SAMMSON: variants seen among roughly 807,000 people sequenced by gnomAD.
The protein encoded by SAMMSON is long intergenic non-protein coding RNA 1212.
intron 7 of SAMMSON, among the ~76,000 whole-genome samples, chr3:70,318,652 T>A (rs1702513827): frequency 6.6e-6 from 1 of 152,022 alleles, no homozygotes; most frequent in African/African-American, 2.4e-5. Context: ...TGTTAGTGGG[T>A]TACATTTTCT....
chr3:70,226,368 G>A (rs1701507241), intron 4 of SAMMSON, among the ~76,000 whole-genome samples: 2 of 152,142 alleles, frequency 1.3e-5, no homozygotes, highest in African/African-American at 4.8e-5. Flanking sequence ...TGGATGCAAA[G>A]CCCAGGAATT....
chr3:70,276,673 G>T (rs1428628504), intron 6 of SAMMSON, among the ~76,000 whole-genome samples: 1 of 152,162 alleles, frequency 6.6e-6, no homozygotes. Context: ...TCTACATATG[G>T]CCTACTGCAT....
At chr3:70,276,291 T>C (rs1702025059) in intron 6 of SAMMSON, among the ~76,000 whole-genome samples, 1 of 152,218 alleles carries the variant, frequency 6.6e-6, no homozygotes, top group South Asian at 2.1e-4. Context: ...TCCAATTTTA[T>C]ATACTGTCAT....
chr3:70,414,051 G>C (rs2106770276), intron 2 of SAMMSON, among the ~76,000 whole-genome samples: 1 of 152,166 alleles, frequency 6.6e-6, no homozygotes, highest in African/African-American at 2.4e-5. Flanking sequence ...TAGAATATGA[G>C]AATAATTATT....
At chr3:70,430,973 A>G (rs1320650247) in intron 2 of SAMMSON, among the ~76,000 whole-genome samples, 1 of 152,064 alleles carries the variant, frequency 6.6e-6, no homozygotes, top group African/African-American at 2.4e-5. Flanking sequence ...AAATTAATAT[A>G]TTTCAACTAT....
At chr3:70,193,970 C>G (rs1054797107) in intron 4 of SAMMSON, among the ~76,000 whole-genome samples, 2 of 152,212 alleles carry the variant, frequency 1.3e-5, no homozygotes, top group African/African-American at 4.8e-5. Flanking sequence ...GACTTTCGCT[C>G]TATTAACTTT....
intron 4 of SAMMSON, among the ~76,000 whole-genome samples, chr3:70,081,284 T>G (rs1382109947): frequency 6.6e-6 from 1 of 152,128 alleles, no homozygotes; most frequent in African/African-American, 2.4e-5. Flanking sequence ...CGGCTAATTT[T>G]TTGTATTTTT....
At chr3:70,032,968 C>G (rs1301204311) in intron 3 of SAMMSON, among the ~76,000 whole-genome samples, 1 of 152,056 alleles carries the variant, frequency 6.6e-6, no homozygotes, top group Non-Finnish European at 1.5e-5. Context: ...AGGTGGGGGA[C>G]AATTCTGACA....
chr3:70,240,895 G>A (rs1176606406), intron 4 of SAMMSON, among the ~76,000 whole-genome samples: 1 of 152,146 alleles, frequency 6.6e-6, no homozygotes, highest in African/African-American at 2.4e-5. Context: ...TTGATAAGCA[G>A]TATGAAAACA....
chr3:70,292,698 T>C (rs1702250258), intron 7 of SAMMSON, among the ~76,000 whole-genome samples: 1 of 152,030 alleles, frequency 6.6e-6, no homozygotes, highest in African/African-American at 2.4e-5. Context: ...TCTTTTTTGA[T>C]GTACACATAC....
At chr3:70,190,559 A>G (rs1356711122) in intron 4 of SAMMSON, among the ~76,000 whole-genome samples, 5 of 152,218 alleles carry the variant, frequency 3.3e-5, no homozygotes, top group African/African-American at 4.8e-5. Flanking sequence ...ATTTGACCTA[A>G]TGTTTTCCAA....
At chr3:70,214,689 A>G (rs549449617) in intron 4 of SAMMSON, among the ~76,000 whole-genome samples, 1 of 151,648 alleles carries the variant, frequency 6.6e-6, no homozygotes, top group East Asian at 2.0e-4. Context: ...GTAGACAGAC[A>G]TAGGCTAAGT....
intron 2 of SAMMSON, among the ~76,000 whole-genome samples, chr3:70,432,155 C>T (rs978637311): frequency 6.6e-6 from 1 of 151,868 alleles, no homozygotes; most frequent in Non-Finnish European, 1.5e-5. Flanking sequence ...TTTTACATTT[C>T]CACCAGCAAT....
At chr3:70,170,579 C>CTTTTTTTTTTTT (rs538385626) in intron 4 of SAMMSON, among the ~76,000 whole-genome samples, 571 of 105,370 alleles carry the variant, frequency 5.4e-3, no homozygotes, top group Middle Eastern at 7.8e-3. Context: ...CTAGATTTTC[C>CTTTTTTTTTTTT]TTTTTTTTTT....
intron 1 of SAMMSON, among the ~76,000 whole-genome samples, chr3:70,009,551 G>A (rs566619955): frequency 1.3e-5 from 2 of 152,058 alleles, no homozygotes; most frequent in African/African-American, 4.8e-5. Flanking sequence ...AGTCTTTCTA[G>A]CAGTCTATCA....
intron 9 of SAMMSON, among the ~76,000 whole-genome samples, chr3:70,369,959 T>A (rs1245514618): frequency 6.6e-6 from 1 of 151,906 alleles, no homozygotes; most frequent in East Asian, 1.9e-4. Context: ...CCTCTCTTTA[T>A]CCTTCCCCTT....
intron 9 of SAMMSON, among the ~76,000 whole-genome samples, chr3:70,375,795 A>G (rs1330427265): frequency 6.6e-6 from 1 of 152,118 alleles, no homozygotes; most frequent in African/African-American, 2.4e-5. Context: ...ACCTTCAGGA[A>G]CTGTATTTTT....
At chr3:70,206,206 C>A (rs1701289429) in intron 4 of SAMMSON, among the ~76,000 whole-genome samples, 1 of 151,944 alleles carries the variant, frequency 6.6e-6, no homozygotes. Context: ...AATACTATTT[C>A]TCTCTGCCTT....
rs147544620 is a variant in SAMMSON at position 70,257,261 on chromosome 3, A to C, written n.674+7591A>C. Among the ~76,000 whole-genome samples, 292 of 152,320 alleles carry C rather than the reference A, an allele frequency of 1.9e-3. 1 individual carries two copies. Among genetic ancestry groups the C allele is most frequent in the African/African-American group, 6.7e-3 (277 of 41,584 alleles). ...TCCTTAAAACCTGGCACATCTGGCCATTCAAAAAAGTTCAAGAATAGACTT... is the reference window on the plus strand; with the variant it reads ...TCCTTAAAACCTGGCACATCTGGCCCTTCAAAAAAGTTCAAGAATAGACTT... On this transcript the variant is annotated intron_variant and non_coding_transcript_variant, in intron 6 of 9. Transcript: ENST00000642114.
Sources: gnomAD v4.1 joint callset for allele counts (sites outside exome capture counted in the v4.1 genomes callset) on GRCh38, gnomAD v4.1.1 for gene constraint, MANE v1.5 for transcripts, NCBI Gene and HGNC (gene_info 2026-07-23, HGNC 2026-07-21) for gene names.